The following PRKN variants were observed in gnomAD, a reference collection of about 807,000 sequenced individuals.
The protein encoded by PRKN is parkin RBR E3 ubiquitin protein ligase, also known as E3 ubiquitin-protein ligase parkin.
PRKN carries 56 observed loss-of-function variants against 59.5 expected under a neutral mutation model. The ratio of observed to expected loss-of-function variants is 0.94; its 90% CI spans 0.76 to 1.18. The LOEUF (loss-of-function observed/expected upper bound fraction) is 1.18. PRKN is among the 50% of genes most tolerant of loss of function. The pLI, the probability that PRKN is intolerant of heterozygous loss-of-function variation, is 0.00. For missense variants in PRKN, 657 were observed against 596.4 expected, an observed-to-expected ratio of 1.10 and a Z score of -1.06; for synonymous variants, 250 against 222.1, an observed-to-expected ratio of 1.13 and a Z score of -1.12.
rs116149980 is a variant in PRKN, at chr6:161,623,688, A to G, written c.872-54272T>C. On this transcript the variant is annotated intron_variant, in intron 7 of 11. Transcript: ENST00000366898. The stretch of plus-strand genomic sequence containing the variant: ...GTCATAACTACCTTAGTGCCTGTGT[A>G]TACTCTCTAACACCCATTATTTTCC... Among the ~76,000 whole-genome samples the G allele has an allele frequency of 2.2e-3, 339 of 152,286 alleles. 4 individuals are homozygous for G. The highest frequency in any genetic ancestry group is 7.8e-3 in the African/African-American group (326 of 41,564).
chr6:161,982,226 G>GT, intron 5 of PRKN, among the ~76,000 whole-genome samples: 2 of 149,970 alleles, frequency 1.3e-5, no homozygotes, highest in East Asian at 3.9e-4. Context: ...AAAATAAAAG[G>GT]TTTGCCCACT....
chr6:161,514,118 T>A (rs1373255102), intron 9 of PRKN, among the ~76,000 whole-genome samples: 1 of 151,360 alleles, frequency 6.6e-6, no homozygotes, highest in Admixed American at 6.6e-5. Context: ...TCAGGAACTG[T>A]AAATAAACAA....
chr6:162,713,684 G>A (rs1157203864), intron 1 of PRKN, among the ~76,000 whole-genome samples: 1 of 151,824 alleles, frequency 6.6e-6, no homozygotes, highest in Non-Finnish European at 1.5e-5. Flanking sequence ...ATGTCACCAA[G>A]TGCTTTATGT....
intron 8 of PRKN, among the ~76,000 whole-genome samples, chr6:161,568,331 C>T (rs189445415): frequency 1.1e-3 from 168 of 152,334 alleles, no homozygotes; most frequent in Non-Finnish European, 1.9e-3. Context: ...TGATGGCTCA[C>T]GCCTGTAATC....
chr6:162,521,825 A>G (rs1035167285), intron 1 of PRKN, among the ~76,000 whole-genome samples: 9 of 152,296 alleles, frequency 5.9e-5, no homozygotes, highest in African/African-American at 2.2e-4. Flanking sequence ...AGCTTACTTA[A>G]TAAAAGATTA....
At chr6:162,096,001 C>T (rs1779711479) in intron 4 of PRKN, among the ~76,000 whole-genome samples, 1 of 152,182 alleles carries the variant, frequency 6.6e-6, no homozygotes, top group African/African-American at 2.4e-5. Flanking sequence ...GGATTGAGTG[C>T]ACAGAGTGAA....
In PRKN at chr6:161,354,792, T is replaced by G. The variant is rs956262766; in HGVS notation, c.1286-4581A>C. ...ACAGTTTAGGCCATCGCTAATAAGC[T>G]TCAAGTCTCAGCTTTTCTGTTTGTA... On this transcript the variant is annotated intron_variant, in intron 11 of 11. Transcript: ENST00000366898. The surrounding 1 kb of genome is among the most constrained non-coding windows in gnomAD (Gnocchi z 6.7). Among the ~76,000 whole-genome samples, 1 of 152,184 alleles carries G rather than the reference T, an allele frequency of 6.6e-6. No individual in the cohort carries two copies. The highest frequency in any genetic ancestry group is 2.4e-5 in the African/African-American group (1 of 41,440).
At chr6:162,151,302 C>G (rs1782261072) in intron 4 of PRKN, among the ~76,000 whole-genome samples, 1 of 152,136 alleles carries the variant, frequency 6.6e-6, no homozygotes, top group Non-Finnish European at 1.5e-5. Context: ...AACAGGTGCA[C>G]CAGCATTTCC....
intron 1 of PRKN, among the ~76,000 whole-genome samples, chr6:162,583,597 T>A (rs554336629): frequency 2.6e-5 from 4 of 152,322 alleles, no homozygotes; most frequent in African/African-American, 9.6e-5. Context: ...GATTGATGTG[T>A]TGATTTAGCA....
chr6:162,385,154 T>A (rs944749961), intron 2 of PRKN, among the ~76,000 whole-genome samples: 4 of 152,132 alleles, frequency 2.6e-5, no homozygotes, highest in African/African-American at 9.7e-5. Context: ...GGAACTCACA[T>A]GAAAGTGAAA....
chr6:161,777,749 ATATATATGTATATGTATATATG>A (rs1170401362), intron 7 of PRKN, among the ~76,000 whole-genome samples: 12 of 131,956 alleles, frequency 9.1e-5, no homozygotes, highest in Non-Finnish European at 1.4e-4. Flanking sequence ...GTATATATAG[ATATATATGTATATGTATATATG>A]TATATATGTA....
intron 9 of PRKN, among the ~76,000 whole-genome samples, chr6:161,543,542 G>C (rs571034420): frequency 2.2e-4 from 33 of 152,250 alleles, no homozygotes; most frequent in Admixed American, 1.9e-3. Flanking sequence ...TTTGTTTAAG[G>C]ACAGAGTGAC....
chr6:162,638,633 A>G (rs1777838202), intron 1 of PRKN, among the ~76,000 whole-genome samples: 1 of 152,014 alleles, frequency 6.6e-6, no homozygotes, highest in South Asian at 2.1e-4. Context: ...AAACCTTAGG[A>G]CTGTCATTCT....
At chr6:162,227,168 G>A (rs1343049622) in intron 3 of PRKN, among the ~76,000 whole-genome samples, 2 of 152,136 alleles carry the variant, frequency 1.3e-5, no homozygotes, top group African/African-American at 2.4e-5. Context: ...ACATCTTTAC[G>A]TAGTTGGTAT....
intron 6 of PRKN, among the ~76,000 whole-genome samples, chr6:161,966,473 C>T (rs947399125): frequency 1.3e-5 from 2 of 152,132 alleles, no homozygotes; most frequent in African/African-American, 4.8e-5. Flanking sequence ...TTCCGGTATC[C>T]CTTTGGCTTA....
chr6:161,966,698 C>T (rs916204873), intron 6 of PRKN, among the ~76,000 whole-genome samples: 1 of 152,204 alleles, frequency 6.6e-6, no homozygotes, highest in African/African-American at 2.4e-5. Context: ...GAGCAAGTCA[C>T]TACTGTTGGT....
At chr6:162,226,998 A>T (rs1208903507) in intron 3 of PRKN, among the ~76,000 whole-genome samples, 2 of 152,210 alleles carry the variant, frequency 1.3e-5, no homozygotes, top group East Asian at 3.9e-4. Context: ...GAAAGTGCTG[A>T]CAGCCGGCTG....
intron 1 of PRKN, among the ~76,000 whole-genome samples, chr6:162,637,428 A>G (rs973125490): frequency 1.3e-5 from 2 of 152,122 alleles, no homozygotes; most frequent in African/African-American, 4.8e-5. Context: ...TTACCATTCT[A>G]AAATTCTAAA....
At chr6:162,429,557 T>C (rs905537367) in intron 2 of PRKN, among the ~76,000 whole-genome samples, 1 of 152,138 alleles carries the variant, frequency 6.6e-6, no homozygotes, top group Non-Finnish European at 1.5e-5. Context: ...GCCTTCTTTA[T>C]TGGCCCTGCC....
Sources: gnomAD v4.1 joint callset for allele counts (sites outside exome capture counted in the v4.1 genomes callset) on GRCh38, gnomAD v4.1.1 for gene constraint, Gnocchi (gnomAD v3.1) non-coding constraint, MANE v1.5 for transcripts, NCBI Gene and HGNC (gene_info 2026-07-23, HGNC 2026-07-21) for gene names.